Variants in ITGBL1 observed in about 807,000 individuals in gnomAD.
ITGBL1 encodes the protein integrin beta-like protein 1.
A neutral mutation model predicts 68.5 loss-of-function variants in ITGBL1; 51 were observed. The observed-to-expected ratio is 0.74, with a 90% CI of 0.59 to 0.94. The LOEUF (loss-of-function observed/expected upper bound fraction) is 0.94, where lower values mean the gene tolerates loss of function less well. Ranked by LOEUF, ITGBL1 falls within the 40% of genes least tolerant of loss-of-function variation. The pLI is 0.00. For synonymous variants in ITGBL1, 209 were observed against 227.3 expected, an observed-to-expected ratio of 0.92 and a Z score of 0.72; for missense variants, 649 against 647.4, an observed-to-expected ratio of 1.00 and a Z score of -0.03.
chr13:101,566,993 C>T (rs1464320678), intron 2 of ITGBL1, among the ~76,000 whole-genome samples: 1 of 152,150 alleles, frequency 6.6e-6, no homozygotes, highest in Non-Finnish European at 1.5e-5. Flanking sequence ...AAGTACTGCA[C>T]ATGTTTTGCA....
rs900786674 is a variant in ITGBL1, at chr13:101,610,186, C to T, written c.1015+11887C>T. ...TGCAGATTGTAGTGGAGAGCTTTAG[C>T]AGTTATTTACCTGATTTCATTCAAT... On this transcript the variant is annotated intron_variant, in intron 7 of 10. Coordinates refer to ENST00000376180, the MANE Select transcript of ITGBL1 (RefSeq NM_004791.3). Among the ~76,000 whole-genome samples, 3 of 152,150 alleles carry T rather than the reference C, an allele frequency of 2.0e-5. No homozygotes were observed. In the South Asian group the frequency reaches 6.2e-4, roughly 32 times the overall value.
intron 3 of ITGBL1, among the ~76,000 whole-genome samples, chr13:101,568,502 A>T (rs916487799): frequency 4.6e-5 from 7 of 152,082 alleles, no homozygotes; most frequent in Non-Finnish European, 1.5e-5. Context: ...TCAAAATCAG[A>T]TTTTCTCAAC....
chr13:101,537,666 A>G (rs1259477423), intron 2 of ITGBL1, among the ~76,000 whole-genome samples: 1 of 152,076 alleles, frequency 6.6e-6, no homozygotes, highest in Non-Finnish European at 1.5e-5. Context: ...CATGTAAAGC[A>G]GAGGGTTCCC....
chr13:101,639,060 G>T (rs899275755), intron 7 of ITGBL1, among the ~76,000 whole-genome samples: 2 of 152,116 alleles, frequency 1.3e-5, no homozygotes, highest in Non-Finnish European at 1.5e-5. Context: ...ACAAGCATAT[G>T]GTTTTCTCTC....
chr13:101,680,394 G>T (rs1367920102), intron 7 of ITGBL1, among the ~76,000 whole-genome samples: 1 of 151,998 alleles, frequency 6.6e-6, no homozygotes, highest in Non-Finnish European at 1.5e-5. Flanking sequence ...AGCACATACT[G>T]CAAGTGTGGT....
chr13:101,637,578 C>T (rs1166482987), intron 7 of ITGBL1, among the ~76,000 whole-genome samples: 4 of 152,008 alleles, frequency 2.6e-5, no homozygotes, highest in Non-Finnish European at 4.4e-5. Context: ...CTCCTGATCT[C>T]CTGATTCACC....
intron 7 of ITGBL1, among the ~76,000 whole-genome samples, chr13:101,691,320 C>T (rs1294760770): frequency 1.3e-5 from 2 of 152,136 alleles, no homozygotes; most frequent in African/African-American, 4.8e-5. Flanking sequence ...TCAAAGGGAT[C>T]GTGACCCCAT....
At chr13:101,629,163 A>G (rs2038290188) in intron 7 of ITGBL1, among the ~76,000 whole-genome samples, 1 of 152,212 alleles carries the variant, frequency 6.6e-6, no homozygotes, top group African/African-American at 2.4e-5. Flanking sequence ...ACAACCCTTT[A>G]CATTTTATTC....
chr13:101,622,037 C>A (rs2031604921), intron 7 of ITGBL1, among the ~76,000 whole-genome samples: 1 of 152,044 alleles, frequency 6.6e-6, no homozygotes, highest in African/African-American at 2.4e-5. Flanking sequence ...AATAAGCAGG[C>A]AGGGGTTTCT....
At chr13:101,652,414 C>A (rs1210422761) in intron 7 of ITGBL1, among the ~76,000 whole-genome samples, 1 of 152,134 alleles carries the variant, frequency 6.6e-6, no homozygotes, top group African/African-American at 2.4e-5. Flanking sequence ...AAAAACAGAA[C>A]CCTCTTTATA....
chr13:101,544,159 C>G (rs1279529178), intron 2 of ITGBL1, among the ~76,000 whole-genome samples: 1 of 152,138 alleles, frequency 6.6e-6, no homozygotes, highest in Non-Finnish European at 1.5e-5. Context: ...TTTTTCTGCT[C>G]TGTTTTTTCC....
intron 7 of ITGBL1, among the ~76,000 whole-genome samples, chr13:101,660,486 G>T (rs2033054757): frequency 6.6e-6 from 1 of 152,192 alleles, no homozygotes; most frequent in Admixed American, 6.5e-5. Context: ...GATATCTGCA[G>T]GAGAAATTGG....
intron 3 of ITGBL1, among the ~76,000 whole-genome samples, chr13:101,569,406 A>C (rs1594895902): frequency 6.6e-6 from 1 of 152,318 alleles, no homozygotes; most frequent in East Asian, 1.9e-4. Context: ...GTTTCAGTAG[A>C]TGATAAAACA....
chr13:101,538,193 C>G (rs1264230053), intron 2 of ITGBL1, among the ~76,000 whole-genome samples: 1 of 151,894 alleles, frequency 6.6e-6, no homozygotes, highest in Non-Finnish European at 1.5e-5. Context: ...TTTGTAGAGA[C>G]AAGAACTAGA....
intron 2 of ITGBL1, among the ~76,000 whole-genome samples, chr13:101,477,075 G>A (rs1354996494): frequency 6.6e-6 from 1 of 151,990 alleles, no homozygotes; most frequent in Non-Finnish European, 1.5e-5. Context: ...ATTCTCAAGG[G>A]TAGACTATAT....
At chr13:101,536,280 T>C (rs2049575015) in intron 2 of ITGBL1, among the ~76,000 whole-genome samples, 2 of 152,034 alleles carry the variant, frequency 1.3e-5, no homozygotes, top group African/African-American at 4.8e-5. Context: ...TAGAACAAAT[T>C]GTATTTTTAT....
At chr13:101,524,497 G>A (rs1297150938) in intron 2 of ITGBL1, among the ~76,000 whole-genome samples, 2 of 151,856 alleles carry the variant, frequency 1.3e-5, no homozygotes, top group Non-Finnish European at 2.9e-5. Flanking sequence ...ATTTGGGAAA[G>A]ATATTGGTGG....
chr13:101,508,725 G>A (rs2049065496), intron 2 of ITGBL1, among the ~76,000 whole-genome samples: 1 of 151,970 alleles, frequency 6.6e-6, no homozygotes, highest in Admixed American at 6.6e-5. Flanking sequence ...CAAATCAATT[G>A]ATTTTTTATT....
At chr13:101,665,386 A>G (rs1337052346) in intron 7 of ITGBL1, among the ~76,000 whole-genome samples, 3 of 151,946 alleles carry the variant, frequency 2.0e-5, no homozygotes, top group African/African-American at 7.2e-5. Flanking sequence ...ATATGTTATT[A>G]TAAATGACAT....
Sources: allele counts gnomAD v4.1 joint callset (sites outside exome capture counted in the v4.1 genomes callset), GRCh38; gene constraint gnomAD v4.1.1; transcripts MANE v1.5; gene names NCBI Gene and HGNC (gene_info 2026-07-23, HGNC 2026-07-21).